Variants in AARD observed in about 807,000 individuals in gnomAD.
AARD encodes alanine- and arginine-rich domain-containing protein.
A neutral mutation model predicts 9.3 loss-of-function variants in AARD; 9 were observed. The ratio of observed to expected loss-of-function variants is 0.97; its 90% CI spans 0.58 to 1.69. The LOEUF is 1.69. AARD is among the 40% of genes most tolerant of loss of function. The pLI is 0.00. For missense variants in AARD, 236 were observed against 210.3 expected, an observed-to-expected ratio of 1.12 and a Z score of -0.76; for synonymous variants, 91 against 93.8, an observed-to-expected ratio of 0.97 and a Z score of 0.17.
intron 1 of AARD, 105 bp downstream of exon 1, chr8:116,938,672 G>C: frequency 1.5e-6 from 2 of 1,357,200 alleles, no homozygotes; most frequent in Non-Finnish European, 1.9e-6. Context: ...GCCTTGGGGG[G>C]CCCCTCAGGT....
chr8:116,940,849 G>A (rs553870212), intron 1 of AARD, among the ~76,000 whole-genome samples: 2 of 152,008 alleles, frequency 1.3e-5, no homozygotes, highest in South Asian at 2.1e-4. Context: ...CCTCAGAGAG[G>A]GTTCATAACT....
At chr8:116,938,610 C>G in intron 1 of AARD, 43 bp downstream of exon 1, 1 of 1,387,052 alleles carries the variant, frequency 7.2e-7, no homozygotes, top group Non-Finnish European at 9.3e-7. Flanking sequence ...GGCTCCCTCT[C>G]CCGGGTCCTC....
At chr8:116,939,936 A>G (rs1813725790) in intron 1 of AARD, among the ~76,000 whole-genome samples, 1 of 152,190 alleles carries the variant, frequency 6.6e-6, no homozygotes, top group Non-Finnish European at 1.5e-5. Flanking sequence ...GGGGACTCAT[A>G]TTTAAATCAG....
rs768713579 is a variant in AARD, at chr8:116,944,249, A to C, written c.*1548A>C. 12 of 152,122 alleles carry C rather than the reference A, an allele frequency of 7.9e-5. No individual in the cohort carries two copies. The highest frequency in any genetic ancestry group is 1.5e-4 in the Non-Finnish European group (10 of 68,048). 9.4% of individuals were successfully genotyped at this position (152,122 alleles called of 1,614,324 possible). On this transcript the variant is annotated 3_prime_UTR_variant, in exon 2 of 2. Coordinates refer to ENST00000378279, the MANE Select transcript of AARD (RefSeq NM_001025357.3). ...GGAGTTTGAGACCAGCCTGGTCAAC[A>C]TGGCAAAACCCCATCTCTACTAAAA...
At chr8:116,939,275 G>T (rs1260576281) in intron 1 of AARD, among the ~76,000 whole-genome samples, 1 of 152,130 alleles carries the variant, frequency 6.6e-6, no homozygotes, top group Non-Finnish European at 1.5e-5. Flanking sequence ...CACTACTTTA[G>T]AACTGAGCCA....
At chr8:116,939,575 T>C (rs1586308651) in intron 1 of AARD, among the ~76,000 whole-genome samples, 2 of 152,190 alleles carry the variant, frequency 1.3e-5, no homozygotes, top group Non-Finnish European at 1.5e-5. Context: ...GAGGCTGCAG[T>C]GGGCTGAGAT....
At chr8:116,939,635 A>G (rs1813722354) in intron 1 of AARD, among the ~76,000 whole-genome samples, 1 of 152,252 alleles carries the variant, frequency 6.6e-6, no homozygotes, top group South Asian at 2.1e-4. Flanking sequence ...AACGTCTCAA[A>G]AACAAAAAAA....
At chr8:116,941,099 T>C (rs1316968316) in intron 1 of AARD, among the ~76,000 whole-genome samples, 1 of 152,202 alleles carries the variant, frequency 6.6e-6, no homozygotes, top group East Asian at 1.9e-4. Flanking sequence ...CTAGGTTGTG[T>C]GCCCAGGCAG....
At chr8:116,938,655 A>C (rs1813706451) in intron 1 of AARD, 88 bp downstream of exon 1, 1 of 1,369,810 alleles carries the variant, frequency 7.3e-7, no homozygotes, top group Non-Finnish European at 9.4e-7. Flanking sequence ...CGCGTAGCCC[A>C]CCCGACGCCT....
intron 1 of AARD, among the ~76,000 whole-genome samples, chr8:116,940,293 G>T (rs549511535): frequency 6.6e-6 from 1 of 152,130 alleles, no homozygotes; most frequent in Admixed American, 6.5e-5. Context: ...TCCATGAAAT[G>T]CTTAGACCAT....
intron 1 of AARD, among the ~76,000 whole-genome samples, chr8:116,941,892 A>C (rs1487416403): frequency 6.6e-6 from 1 of 152,200 alleles, no homozygotes; most frequent in East Asian, 1.9e-4. Flanking sequence ...ATTATGTTGG[A>C]CTAAGCTTTC....
Position 116,944,422 on chromosome 8 carries a change from G to A in AARD, c.*1721G>A, listed in dbSNP as rs1250680356. The A allele has an allele frequency of 6.6e-6, 1 of 152,172 alleles. No homozygotes were observed. Among genetic ancestry groups the A allele is most frequent in the Non-Finnish European group, 1.5e-5 (1 of 68,036 alleles). 9.4% of individuals were successfully genotyped at this position (152,172 alleles called of 1,614,324 possible). A position where few individuals can be genotyped will look rare whatever the true frequency, so the allele number is the denominator to read the frequency against. On this transcript the variant is annotated 3_prime_UTR_variant, in exon 2 of 2. Coordinates refer to ENST00000378279, the MANE Select transcript of AARD (RefSeq NM_001025357.3). ...CACTCCAGCCTGGGTGACAGAGGGG[G>A]ACTTGGCCTCGAAAAAATAAATAAA...
chr8:116,938,463 G>A lies in AARD; in HGVS notation c.220G>A (p.Ala74Thr). 6.3e-7 allele frequency: 1 copy of A among 1,595,234 alleles called. No homozygotes were observed. The highest frequency in any genetic ancestry group is 8.5e-7 in the Non-Finnish European group (1 of 1,172,054). Residue 74 changes from alanine (A) to threonine (T), a missense_variant, in exon 1 of 2, where the codon GCG (alanine) becomes ACG (threonine). By Grantham distance (58) the Ala-to-Thr change is moderately conservative. Coordinates refer to ENST00000378279, the MANE Select transcript of AARD (RefSeq NM_001025357.3). Reference sequence around the variant, plus strand: ...CGCCTTCCAGTGGGCGGTGCAGCGCGCGATCTCGAGGCGCGTGCAGGAGGC... The same window carrying A: ...CGCCTTCCAGTGGGCGGTGCAGCGCACGATCTCGAGGCGCGTGCAGGAGGC... ...TRAFQWAVQR[A>T]ISRRVQEAAA...
chr8:116,938,686 G>T, intron 1 of AARD, 119 bp downstream of exon 1: 1 of 1,299,400 alleles, frequency 7.7e-7, no homozygotes, highest in East Asian at 3.1e-5. Context: ...CTCAGGTCTG[G>T]ACACGGCGTT....
chr8:116,941,788 A>C (rs1308944546), intron 1 of AARD, among the ~76,000 whole-genome samples: 1 of 152,216 alleles, frequency 6.6e-6, no homozygotes, highest in Non-Finnish European at 1.5e-5. Context: ...CTTTTTTAGC[A>C]GAGAGAACAA....
At chr8:116,940,263 G>A (rs999599807) in intron 1 of AARD, among the ~76,000 whole-genome samples, 15 of 152,180 alleles carry the variant, frequency 9.9e-5, no homozygotes, top group African/African-American at 3.4e-4. Context: ...TAGGATTCCA[G>A]AGCTTATGTG....
Position 116,938,577 on chromosome 8 carries a change from C to T in AARD, c.324+10C>T, listed in dbSNP as rs369681281. 56 of 1,399,272 alleles carry T rather than the reference C, an allele frequency of 4.0e-5. No individual in the cohort carries two copies. Among genetic ancestry groups the T allele is most frequent in the African/African-American group, 3.6e-4 (24 of 65,818 alleles). The allele number at this position is 1,399,272 out of a possible 1,614,324, so 86.7% of individuals were successfully genotyped here. A position where few individuals can be genotyped will look rare whatever the true frequency, so the allele number is the denominator to read the frequency against. Reference sequence around the variant, plus strand: ...GCTGCGGGCGGAGCTGGTGAGAGAGCGGGCTAGGCGGACGGCTCCCAGGGC... The same window carrying T: ...GCTGCGGGCGGAGCTGGTGAGAGAGTGGGCTAGGCGGACGGCTCCCAGGGC... On this transcript the variant is annotated intron_variant, in intron 1 of 1. Coordinates refer to ENST00000378279, the MANE Select transcript of AARD (RefSeq NM_001025357.3).
intron 1 of AARD, 80 bp from the exon 2 acceptor site, chr8:116,942,478 T>G (rs1813754740): frequency 8.2e-7 from 1 of 1,223,266 alleles, no homozygotes; most frequent in Non-Finnish European, 1.1e-6. Flanking sequence ...AACTTCTTAT[T>G]TCTTCTGTGT....
In AARD at chr8:116,943,817, T is replaced by C. The variant is rs1483772829; in HGVS notation, c.*1116T>C. On this transcript the variant is annotated 3_prime_UTR_variant, in exon 2 of 2. Transcript: ENST00000378279. ...TGATATCCTTCTCATAAAATCTCTT[T>C]TTGCCTAAGTAAATTCAAGCTGGAG... 6.6e-6 allele frequency: 1 copy of C among 152,182 alleles called. No homozygotes were observed. The highest frequency in any genetic ancestry group is 1.5e-5 in the Non-Finnish European group (1 of 68,038). 9.4% of individuals were successfully genotyped at this position (152,182 alleles called of 1,614,324 possible). A position where few individuals can be genotyped will look rare whatever the true frequency, so the allele number is the denominator to read the frequency against.
Sources: gnomAD v4.1 joint callset for allele counts (sites outside exome capture counted in the v4.1 genomes callset) on GRCh38, gnomAD v4.1.1 for gene constraint, MANE v1.5 for transcripts, NCBI Gene and HGNC (gene_info 2026-07-23, HGNC 2026-07-21) for gene names.